TMEM131L: variants seen among roughly 807,000 people sequenced by gnomAD.
The protein encoded by TMEM131L is transmembrane protein 131-like.
TMEM131L carries 54 observed loss-of-function variants against 192.2 expected under a neutral mutation model. The observed-to-expected ratio is 0.28, with a 90% CI of 0.23 to 0.35. The LOEUF (loss-of-function observed/expected upper bound fraction) is 0.35. Ranked by LOEUF, TMEM131L falls within the 10% of genes least tolerant of loss-of-function variation. TMEM131L has a pLI of 1.00. For synonymous variants in TMEM131L, 701 were observed against 704.9 expected, an observed-to-expected ratio of 0.99 and a Z score of 0.09; for missense variants, 1,888 against 1,972.9, an observed-to-expected ratio of 0.96 and a Z score of 0.82.
chr4:153,577,333 A>G (rs1265115779), intron 7 of TMEM131L, among the ~76,000 whole-genome samples: 2 of 152,212 alleles, frequency 1.3e-5, no homozygotes, highest in African/African-American at 4.8e-5. Context: ...AGATTTGTAT[A>G]TGGGTAAATT....
intron 3 of TMEM131L, among the ~76,000 whole-genome samples, chr4:153,509,358 C>G (rs866405930): frequency 6.8e-6 from 1 of 146,288 alleles, no homozygotes; most frequent in Non-Finnish European, 1.5e-5. Flanking sequence ...AGAGCTAGAC[C>G]CTGTCTCAAA....
At chr4:153,597,730 C>T (rs957845360) in intron 20 of TMEM131L, among the ~76,000 whole-genome samples, 4 of 152,044 alleles carry the variant, frequency 2.6e-5, no homozygotes, top group South Asian at 2.1e-4. Context: ...CCCAGGAGTT[C>T]GAGACCAGCC....
At chr4:153,615,852 G>A (rs1012364142) in intron 26 of TMEM131L, among the ~76,000 whole-genome samples, 1 of 152,292 alleles carries the variant, frequency 6.6e-6, no homozygotes, top group South Asian at 2.1e-4. Context: ...ACATGCATGG[G>A]TGCCATCGCC....
chr4:153,607,149 A>G (rs113225059), intron 25 of TMEM131L, among the ~76,000 whole-genome samples: 2 of 152,288 alleles, frequency 1.3e-5, no homozygotes, highest in Admixed American at 6.5e-5. Flanking sequence ...TTTTTTAGTA[A>G]TATTAAGGGT....
At chr4:153,572,891 A>G (rs1244870873) in intron 7 of TMEM131L, among the ~76,000 whole-genome samples, 1 of 152,058 alleles carries the variant, frequency 6.6e-6, no homozygotes, top group East Asian at 1.9e-4. Context: ...CCTGGCAACC[A>G]CTATTCTACT....
At chr4:153,633,059 G>A (rs1002957374) in intron 32 of TMEM131L, among the ~76,000 whole-genome samples, 6 of 151,656 alleles carry the variant, frequency 4.0e-5, no homozygotes, top group African/African-American at 9.7e-5. Context: ...TGACAGTGTC[G>A]TTATTTTTTA....
intron 3 of TMEM131L, among the ~76,000 whole-genome samples, chr4:153,493,345 CAAAAAA>C (rs35052272): frequency 0.026 from 1,864 of 72,842 alleles, 68 homozygotes; most frequent in African/African-American, 0.11. Context: ...GACTCTGTCT[CAAAAAA>C]AAAAAAAAAA....
At chr4:153,567,207 T>C (rs375740685) in intron 7 of TMEM131L, among the ~76,000 whole-genome samples, 2 of 152,220 alleles carry the variant, frequency 1.3e-5, no homozygotes, top group African/African-American at 4.8e-5. Flanking sequence ...AAATACCTGA[T>C]CTAGGATTTG....
intron 5 of TMEM131L, among the ~76,000 whole-genome samples, chr4:153,556,741 C>G (rs565221623): frequency 2.0e-5 from 3 of 152,170 alleles, no homozygotes; most frequent in African/African-American, 7.2e-5. Flanking sequence ...CAGCTCCAGT[C>G]TGAAGCGAAA....
chr4:153,578,709 A>G (rs1443068774), intron 7 of TMEM131L, among the ~76,000 whole-genome samples: 3 of 151,810 alleles, frequency 2.0e-5, no homozygotes, highest in Non-Finnish European at 4.4e-5. Context: ...TTTAGTAGAG[A>G]CGGGGTTTCA....
intron 3 of TMEM131L, among the ~76,000 whole-genome samples, chr4:153,493,929 G>C (rs1296391891): frequency 2.0e-5 from 3 of 152,182 alleles, no homozygotes; most frequent in Non-Finnish European, 4.4e-5. Context: ...TGGCTGCTGT[G>C]TAACAGTGAT....
intron 4 of TMEM131L, among the ~76,000 whole-genome samples, chr4:153,551,794 T>C (rs1360421168): frequency 6.6e-6 from 1 of 152,228 alleles, no homozygotes; most frequent in African/African-American, 2.4e-5. Flanking sequence ...TTTACTCTTA[T>C]GTAAAGAAAG....
intron 3 of TMEM131L, among the ~76,000 whole-genome samples, chr4:153,540,668 A>G (rs1388876040): frequency 6.6e-6 from 1 of 152,274 alleles, no homozygotes; most frequent in Non-Finnish European, 1.5e-5. Context: ...TACAGTATGA[A>G]TAAGTTCAGC....
intron 29 of TMEM131L, 126 bp downstream of exon 29, chr4:153,623,209 CT>C (rs1389799538): frequency 2.4e-6 from 2 of 823,246 alleles, no homozygotes; most frequent in African/African-American, 3.5e-5. Context: ...TGGCCTTGAC[CT>C]TTGCTTTGGA....
chr4:153,548,696 T>G (rs960968369), intron 3 of TMEM131L, among the ~76,000 whole-genome samples: 5 of 152,010 alleles, frequency 3.3e-5, no homozygotes, highest in African/African-American at 1.2e-4. Context: ...AAGAGAAGCT[T>G]AGGTAAAGGC....
chr4:153,520,301 G>GA (rs1419132594), intron 3 of TMEM131L, among the ~76,000 whole-genome samples: 9 of 150,316 alleles, frequency 6.0e-5, no homozygotes, highest in South Asian at 2.1e-4. Context: ...CGTTAAAAAA[G>GA]AAAAAAAAAG....
At chr4:153,597,497 A>G (rs1366094798) in intron 20 of TMEM131L, among the ~76,000 whole-genome samples, 1 of 152,240 alleles carries the variant, frequency 6.6e-6, no homozygotes. Context: ...TTAAATGGTT[A>G]ATAAAGGCTT....
chr4:153,592,914 A>C (rs939544345), intron 18 of TMEM131L, among the ~76,000 whole-genome samples: 1 of 152,210 alleles, frequency 6.6e-6, no homozygotes, highest in Non-Finnish European at 1.5e-5. Context: ...TCTAGGCAGC[A>C]TAAATAAGTT....
intron 26 of TMEM131L, among the ~76,000 whole-genome samples, chr4:153,616,990 A>G (rs1231845731): frequency 6.6e-6 from 1 of 152,186 alleles, no homozygotes; most frequent in African/African-American, 2.4e-5. Flanking sequence ...TAGATGTCAA[A>G]AAATAGAATG....
Sources: gnomAD v4.1 joint callset for allele counts (sites outside exome capture counted in the v4.1 genomes callset) on GRCh38, gnomAD v4.1.1 for gene constraint, MANE v1.5 for transcripts, NCBI Gene and HGNC (gene_info 2026-07-23, HGNC 2026-07-21) for gene names.